TBC1D16: variants seen among roughly 807,000 people sequenced by gnomAD.
The protein encoded by TBC1D16 is TBC1 domain family member 16.
A neutral mutation model predicts 74.7 loss-of-function variants in TBC1D16; 58 were observed. That is an observed-to-expected ratio of 0.78 (90% confidence interval 0.63 to 0.97). The LOEUF (loss-of-function observed/expected upper bound fraction) is 0.97, where lower values mean the gene tolerates loss of function less well. TBC1D16 is among the 50% of genes least tolerant of loss of function. TBC1D16 has a pLI of 0.00. For synonymous variants in TBC1D16, 493 were observed against 474.7 expected (o/e 1.04, Z -0.50); for missense variants, 1,014 against 1,079.5 (o/e 0.94, Z 0.85).
intron 1 of TBC1D16, among the ~76,000 whole-genome samples, chr17:80,027,891 CAAAAAAAA>C (rs71163908): frequency 9.0e-5 from 6 of 66,826 alleles, no homozygotes; most frequent in South Asian, 5.6e-4. Context: ...GACTCCAACT[CAAAAAAAA>C]AAAAAAAAAA....
chr17:79,999,367 C>G (rs1175771988), intron 3 of TBC1D16, among the ~76,000 whole-genome samples: 1 of 152,026 alleles, frequency 6.6e-6, no homozygotes, highest in East Asian at 1.9e-4. Flanking sequence ...CATCTGGCCC[C>G]CAAAGCAGAA....
At chr17:80,002,525 G>A (rs2035529867) in intron 3 of TBC1D16, among the ~76,000 whole-genome samples, 1 of 152,210 alleles carries the variant, frequency 6.6e-6, no homozygotes, top group African/African-American at 2.4e-5. Flanking sequence ...CATGACAGGG[G>A]CCACCCTGAG....
chr17:79,970,080 A>G (rs1197438466), intron 3 of TBC1D16, among the ~76,000 whole-genome samples: 1 of 152,250 alleles, frequency 6.6e-6, no homozygotes, highest in African/African-American at 2.4e-5. Context: ...TGGCATCCAT[A>G]CAATGGAATA....
rs1245686126 is a variant in TBC1D16, at chr17:79,947,761, C to T, written c.1612G>A (p.Ala538Thr). ...TCCAGGACCTCGGCCAAGATGGGCG[C>T]CACCAGGTCCGACATCCCTTGGGAA... is the stretch of plus-strand genomic sequence containing the variant. ...GYSQGMSDLV[A>T]PILAEVLDES... Residue 538 changes from alanine to threonine, a missense_variant, in exon 9 of 12, where the codon GCG becomes ACG. Ala to Thr is a moderately conservative substitution (Grantham distance 58). Coordinates refer to ENST00000310924, the MANE Select transcript of TBC1D16 (RefSeq NM_019020.4). 5 of 1,613,970 alleles carry T rather than the reference C, an allele frequency of 3.1e-6. No individual in the cohort carries two copies. Among genetic ancestry groups the T allele is most frequent in the Non-Finnish European group, 4.2e-6 (5 of 1,179,988 alleles).
intron 3 of TBC1D16, among the ~76,000 whole-genome samples, chr17:79,995,261 C>G (rs1423298884): frequency 6.6e-6 from 1 of 151,282 alleles, no homozygotes; most frequent in Non-Finnish European, 1.5e-5. Flanking sequence ...GATCGCACCA[C>G]GGCACTCCAG....
chr17:80,023,679 C>A (rs546156201), intron 1 of TBC1D16, among the ~76,000 whole-genome samples: 2 of 145,736 alleles, frequency 1.4e-5, no homozygotes, highest in East Asian at 3.9e-4. Flanking sequence ...CGGCTCAGGG[C>A]GTGGCTGGGG....
At chr17:79,952,556 C>G (rs1280088756) in intron 4 of TBC1D16, 101 bp downstream of exon 4, 28 of 1,429,006 alleles carry the variant, frequency 2.0e-5, no homozygotes, top group African/African-American at 2.8e-5. Context: ...ATCCAGGGCC[C>G]TGTGTCCCCA....
At position 79,975,090 on chromosome 17, in the gene TBC1D16, C is replaced by T. The variant is rs1017217617; in HGVS notation, c.780-22272G>A. Among the ~76,000 whole-genome samples, 3 of 152,214 alleles carry T rather than the reference C, an allele frequency of 2.0e-5. No homozygotes were observed. Among genetic ancestry groups the T allele is most frequent in the Non-Finnish European group, 2.9e-5 (2 of 68,044 alleles). On this transcript the variant is annotated intron_variant, in intron 3 of 11. Coordinates refer to ENST00000310924, the MANE Select transcript of TBC1D16 (RefSeq NM_019020.4). This position sits in a 1 kb window ranked among gnomAD's most constrained non-coding sequence, Gnocchi z 4.5. ...CCGTCCCCACTGCCAGTGGGCGCAACGTTACTTGCAAGGCCACAAACACCC... is the reference window on the plus strand; with the variant it reads ...CCGTCCCCACTGCCAGTGGGCGCAATGTTACTTGCAAGGCCACAAACACCC...
Position 79,956,380 on chromosome 17 carries a change from A to C in TBC1D16, c.780-3562T>G, listed in dbSNP as rs926869970. Among the ~76,000 whole-genome samples the C allele has an allele frequency of 4.6e-5, 7 of 152,176 alleles. No homozygotes were observed. The highest frequency in any genetic ancestry group is 8.8e-5 in the Non-Finnish European group (6 of 68,030). On this transcript the variant is annotated intron_variant, in intron 3 of 11. Transcript: ENST00000310924. The surrounding 1 kb of genome is among the most constrained non-coding windows in gnomAD (Gnocchi z 4.0). The stretch of plus-strand genomic sequence containing the variant: ...GCGATCCTCCAGCCTCAGTCTCCCA[A>C]GTAGCTGGGACTACAGGCACTCACC...
At chr17:79,972,502 A>T (rs1261356458) in intron 3 of TBC1D16, among the ~76,000 whole-genome samples, 2 of 152,182 alleles carry the variant, frequency 1.3e-5, no homozygotes, top group Non-Finnish European at 2.9e-5. Flanking sequence ...AGATTCTGAC[A>T]CAGGCTACAG....
rs1243361815 is a variant in TBC1D16, at chr17:80,035,603, G to A, written c.-63+192C>T. Among the ~76,000 whole-genome samples the A allele has an allele frequency of 3.3e-5, 5 of 151,570 alleles. No individual in the cohort carries two copies. The highest frequency in any genetic ancestry group is 7.3e-5 in the African/African-American group (3 of 41,346). On this transcript the variant is annotated intron_variant, in intron 1 of 11. Transcript: ENST00000310924. The surrounding 1 kb of genome is among the most constrained non-coding windows in gnomAD (Gnocchi z 5.3). The stretch of plus-strand genomic sequence containing the variant: ...ATCCAGGTCCTCCCACAACGCTCCC[G>A]CTCCTGCTGGCGCCCCGCACCCCGA...
At chr17:80,013,050 G>A (rs1402425687) in intron 2 of TBC1D16, among the ~76,000 whole-genome samples, 2 of 152,250 alleles carry the variant, frequency 1.3e-5, no homozygotes, top group African/African-American at 2.4e-5. Context: ...TAAAGCAACA[G>A]ATGAACAAAG....
In TBC1D16 at chr17:79,936,884, GTGCA is replaced by G. The variant is rs1318147786; in HGVS notation, c.*3971_*3974del. ...CCCCTGCACATATGTGTGTGTGTGT[GTGCA>G]TGCGTGCGTGTGTGCATGTGCGTGT... On this transcript the variant is annotated 3_prime_UTR_variant, in exon 12 of 12. Transcript: ENST00000310924. The G allele has an allele frequency of 2.6e-3, 388 of 147,516 alleles. No homozygotes were observed. Among genetic ancestry groups the G allele is most frequent in the African/African-American group, 9.1e-3 (364 of 40,152 alleles). The allele number at this position is 147,516 out of a possible 1,614,324, so 9.1% of individuals were successfully genotyped here. A position where few individuals can be genotyped will look rare whatever the true frequency, so the allele number is the denominator to read the frequency against.
At chr17:79,951,851 C>T in intron 4 of TBC1D16, 1 of 392,826 alleles carries the variant, frequency 2.5e-6, no homozygotes, top group Non-Finnish European at 4.6e-6. Context: ...GCCAGAGTGG[C>T]CTTCTCCCCA....
chr17:79,944,944 C>A lies in TBC1D16; in HGVS notation c.1872G>T (p.Ala624=). 1 of 1,553,434 alleles carries A rather than the reference C, an allele frequency of 6.4e-7. No individual in the cohort carries two copies. ...CCCAGCAGGCCTCCCAGATCCGCAG[C>A]GCTTCGGCCTCGGGGAACTCCCGCT... ...CFKREFPEAE[A]LRIWEACWAH... The change falls in exon 10 of 12, where the codon GCG becomes GCT. Residue 624 remains alanine, a synonymous_variant. Coordinates refer to ENST00000310924, the MANE Select transcript of TBC1D16 (RefSeq NM_019020.4). The surrounding 1 kb of genome is among the most constrained non-coding windows in gnomAD (Gnocchi z 7.7).
intron 1 of TBC1D16, among the ~76,000 whole-genome samples, chr17:80,020,089 T>G (rs1250861137): frequency 6.7e-6 from 1 of 149,550 alleles, no homozygotes; most frequent in Non-Finnish European, 1.5e-5. Context: ...GTGAATACAA[T>G]GATGCCACCT....
In TBC1D16 at chr17:79,949,826, C is replaced by T; in HGVS notation, c.1297G>A (p.Glu433Lys). Residue 433 changes from glutamate to lysine, a missense_variant, in exon 7 of 12, where the codon GAG (glutamate) becomes AAG (lysine). Transcript: ENST00000310924. ...FGGIDVSIRG[E>K]VWPFLLRYYS... ...TAGCGCAGCAGGAAGGGCCAGACCT[C>T]CCCGCGGATTGACACATCAATACCG... 2 of 1,613,730 alleles carry T rather than the reference C, an allele frequency of 1.2e-6. No homozygotes were observed. The highest frequency in any genetic ancestry group is 2.2e-5 in the South Asian group (2 of 91,070).
intron 3 of TBC1D16, among the ~76,000 whole-genome samples, chr17:79,972,723 GGA>G (rs1307873785): frequency 1.3e-5 from 2 of 152,152 alleles, no homozygotes; most frequent in African/African-American, 2.4e-5. Context: ...TTCTGGAGGT[GGA>G]GAGTATGGTG....
chr17:79,943,405 G>C (rs1415017455), intron 10 of TBC1D16, among the ~76,000 whole-genome samples: 1 of 152,150 alleles, frequency 6.6e-6, no homozygotes, highest in Admixed American at 6.5e-5. Context: ...CAGTTCCCAG[G>C]ACAGGCAGGG....
Sources: gnomAD v4.1 joint callset for allele counts (sites outside exome capture counted in the v4.1 genomes callset) on GRCh38, gnomAD v4.1.1 for gene constraint, Gnocchi (gnomAD v3.1) non-coding constraint, MANE v1.5 for transcripts, NCBI Gene and HGNC (gene_info 2026-07-23, HGNC 2026-07-21) for gene names.